TNFAIP8L3: variants seen among roughly 807,000 people sequenced by gnomAD.
TNFAIP8L3 encodes the protein tumor necrosis factor alpha-induced protein 8-like protein 3.
Under a neutral mutation model 11.8 loss-of-function variants are expected in TNFAIP8L3, and 7 were observed. The ratio of observed to expected loss-of-function variants is 0.59; its 90% CI spans 0.34 to 1.11. The LOEUF (loss-of-function observed/expected upper bound fraction) is 1.11, where lower values mean the gene tolerates loss of function less well. Among genes scored for constraint, TNFAIP8L3 ranks in the 50% most tolerant of loss-of-function variants. The pLI, the probability that TNFAIP8L3 is intolerant of heterozygous loss-of-function variation, is 0.03. For synonymous variants in TNFAIP8L3, 98 were observed against 103.8 expected, an observed-to-expected ratio of 0.94 and a Z score of 0.34; for missense variants, 219 against 258.6, an observed-to-expected ratio of 0.85 and a Z score of 1.05.
chr15:51,073,307 C>CT (rs2065325599), intron 1 of TNFAIP8L3, among the ~76,000 whole-genome samples: 2 of 152,276 alleles, frequency 1.3e-5, no homozygotes, highest in African/African-American at 2.4e-5. Flanking sequence ...AAACTGGTAT[C>CT]TTTATGATAC....
intron 1 of TNFAIP8L3, among the ~76,000 whole-genome samples, chr15:51,064,069 T>C (rs186170686): frequency 6.6e-6 from 1 of 152,260 alleles, no homozygotes; most frequent in East Asian, 1.9e-4. Flanking sequence ...TCTCTGAAGC[T>C]TTAAAGATCA....
At chr15:51,096,420 G>A (rs1256284852), upstream of TNFAIP8L3, among the ~76,000 whole-genome samples, 1 of 152,198 alleles carries the variant, frequency 6.6e-6, no homozygotes, top group African/African-American at 2.4e-5. Flanking sequence ...GTTTCCTCAA[G>A]TGTTGGTGTC....
chr15:51,086,744 C>G (rs950030889), intron 1 of TNFAIP8L3, among the ~76,000 whole-genome samples: 5 of 152,110 alleles, frequency 3.3e-5, no homozygotes, highest in African/African-American at 1.2e-4. Context: ...TTAACCCAGT[C>G]CCGAATACAT....
intron 1 of TNFAIP8L3, among the ~76,000 whole-genome samples, chr15:51,075,985 C>G (rs1159639370): frequency 6.6e-6 from 1 of 152,098 alleles, no homozygotes; most frequent in Non-Finnish European, 1.5e-5. Flanking sequence ...ATTTGGCAGA[C>G]AGCATTATGG....
In TNFAIP8L3 at chr15:51,058,244, C is replaced by T; in HGVS notation, c.252G>A (p.Val84=). The T allele has an allele frequency of 6.2e-7, 1 of 1,614,202 alleles. No individual in the cohort carries two copies. The highest frequency in any genetic ancestry group is 8.5e-7 in the Non-Finnish European group (1 of 1,180,044). ...AHKIMKDLIK[V]AIKIGILYRN... ...GGTAGAGGATCCCGATTTTGATCGC[C>T]ACCTTGATTAAGTCTTTCATGATCT... is the stretch of plus-strand genomic sequence containing the variant. The change falls in exon 2 of 2, where the codon GTG becomes GTA. Residue 84 remains valine, a synonymous_variant. Transcript: ENST00000637513.
At chr15:51,104,725 G>T (rs1014146786) in intron 1 of TNFAIP8L3, among the ~76,000 whole-genome samples, 2 of 152,310 alleles carry the variant, frequency 1.3e-5, no homozygotes, top group East Asian at 3.9e-4. Flanking sequence ...GGACCTTCTG[G>T]CCAGCGTGCC....
At chr15:51,075,667 A>ATT (rs1175566715) in intron 1 of TNFAIP8L3, among the ~76,000 whole-genome samples, 1 of 152,268 alleles carries the variant, frequency 6.6e-6, no homozygotes, top group African/African-American at 2.4e-5. Flanking sequence ...ATGTGAAATT[A>ATT]GTAAACAGTC....
intron 1 of TNFAIP8L3, among the ~76,000 whole-genome samples, chr15:51,061,044 G>C (rs529008038): frequency 6.6e-6 from 1 of 152,216 alleles, no homozygotes; most frequent in East Asian, 1.9e-4. Context: ...TCTGAAACAC[G>C]AGAATTGCTT....
At chr15:51,091,596 G>T (rs1253330565) in intron 1 of TNFAIP8L3, among the ~76,000 whole-genome samples, 1 of 151,736 alleles carries the variant, frequency 6.6e-6, no homozygotes, top group Non-Finnish European at 1.5e-5. Context: ...AAAGCAGCAG[G>T]TTGGAATATC....
chr15:51,089,240 C>T (rs1485798750), intron 1 of TNFAIP8L3, among the ~76,000 whole-genome samples: 6 of 152,188 alleles, frequency 3.9e-5, no homozygotes, highest in South Asian at 2.1e-4. Flanking sequence ...TCCATCCATC[C>T]GCCCACCCAC....
At chr15:51,078,193 T>A (rs2065368309) in intron 1 of TNFAIP8L3, among the ~76,000 whole-genome samples, 1 of 152,042 alleles carries the variant, frequency 6.6e-6, no homozygotes, top group Non-Finnish European at 1.5e-5. Flanking sequence ...CACCACAGAC[T>A]CCTTGGTAAC....
At chr15:51,074,898 C>A (rs1239618254) in intron 1 of TNFAIP8L3, among the ~76,000 whole-genome samples, 1 of 152,192 alleles carries the variant, frequency 6.6e-6, no homozygotes, top group Non-Finnish European at 1.5e-5. Flanking sequence ...GGCTGGCCCT[C>A]ACACCTAGCT....
In TNFAIP8L3 at chr15:51,094,774, C is replaced by CG; in HGVS notation, c.-180dup. The CG allele has an allele frequency of 3.3e-6, 3 of 904,974 alleles. No homozygotes were observed. In the South Asian group the frequency reaches 1.5e-4, roughly 46 times the overall value. The allele number at this position is 904,974 out of a possible 1,614,324, so 56.1% of individuals were successfully genotyped here. A position where few individuals can be genotyped will look rare whatever the true frequency, so the allele number is the denominator to read the frequency against. On this transcript the variant is annotated 5_prime_UTR_variant, in exon 1 of 2. Transcript: ENST00000637513. This position sits in a 1 kb window ranked among gnomAD's most constrained non-coding sequence, Gnocchi z 4.4. The stretch of plus-strand genomic sequence containing the variant: ...GCGGCTCCGCAGAGGCGAGCGCCGC[C>CG]GCGCCCCGCTCCCCGCGCCCGCCGG...
chr15:51,094,781 C>A lies in TNFAIP8L3; in HGVS notation c.-186G>T. ...CGCAGAGGCGAGCGCCGCCGCGCCCCGCTCCCCGCGCCCGCCGGCCGGTGC... is the reference window on the plus strand; with the variant it reads ...CGCAGAGGCGAGCGCCGCCGCGCCCAGCTCCCCGCGCCCGCCGGCCGGTGC... On this transcript the variant is annotated 5_prime_UTR_variant, in exon 1 of 2. Coordinates refer to ENST00000637513, the MANE Select transcript of TNFAIP8L3 (RefSeq NM_001311175.2). The surrounding 1 kb of genome is among the most constrained non-coding windows in gnomAD (Gnocchi z 4.4). 1.2e-6 allele frequency: 1 copy of A among 853,072 alleles called. No homozygotes were observed. Among genetic ancestry groups the A allele is most frequent in the African/African-American group, 1.8e-5 (1 of 54,136 alleles). The allele number at this position is 853,072 out of a possible 1,614,324, so 52.8% of individuals were successfully genotyped here.
At chr15:51,093,880 A>G (rs976440940) in intron 1 of TNFAIP8L3, among the ~76,000 whole-genome samples, 2 of 152,160 alleles carry the variant, frequency 1.3e-5, no homozygotes, top group Admixed American at 6.5e-5. Context: ...TATTGCTTTA[A>G]TAACTATCGA....
At chr15:51,079,888 GA>G (rs1196826963) in intron 1 of TNFAIP8L3, among the ~76,000 whole-genome samples, 1 of 136,514 alleles carries the variant, frequency 7.3e-6, no homozygotes, top group African/African-American at 2.7e-5. Flanking sequence ...AAGAAAGAAA[GA>G]AAAAAAAGAA....
intron 1 of TNFAIP8L3, among the ~76,000 whole-genome samples, chr15:51,103,603 A>G (rs910612475): frequency 2.0e-5 from 3 of 152,234 alleles, no homozygotes; most frequent in Non-Finnish European, 2.9e-5. Context: ...CAGTGACCTC[A>G]TTCAAGTGGA....
At chr15:51,068,643 A>G (rs1272243280) in intron 1 of TNFAIP8L3, among the ~76,000 whole-genome samples, 1 of 146,326 alleles carries the variant, frequency 6.8e-6, no homozygotes. Context: ...GTCGTCCACC[A>G]TCAAACCACC....
chr15:51,065,050 A>G (rs1180522842), intron 1 of TNFAIP8L3, among the ~76,000 whole-genome samples: 1 of 152,244 alleles, frequency 6.6e-6, no homozygotes, highest in Non-Finnish European at 1.5e-5. Flanking sequence ...TTTTCCAGGC[A>G]TGAAAGGTAA....
Sources: gnomAD v4.1 joint callset for allele counts (sites outside exome capture counted in the v4.1 genomes callset) on GRCh38, gnomAD v4.1.1 for gene constraint, Gnocchi (gnomAD v3.1) non-coding constraint, MANE v1.5 for transcripts, NCBI Gene and HGNC (gene_info 2026-07-23, HGNC 2026-07-21) for gene names.